The following B3GALT1 variants were observed in gnomAD, a reference collection of about 807,000 sequenced individuals.
B3GALT1 encodes UDP-Gal:betaGlcNAc beta 1,3-galactosyltransferase, polypeptide 1.
Under a neutral mutation model 23.2 loss-of-function variants are expected in B3GALT1, and 10 were observed. That is an observed-to-expected ratio of 0.43 (90% CI 0.27 to 0.73). The LOEUF is 0.73. Ranked by LOEUF, B3GALT1 falls within the 30% of genes least tolerant of loss-of-function variation. B3GALT1 has a pLI of 0.21. For missense variants in B3GALT1, 299 were observed against 405.4 expected (o/e 0.74, Z 2.25); for synonymous variants, 156 against 141.5 (o/e 1.10, Z -0.73).
intron 4 of B3GALT1, among the ~76,000 whole-genome samples, chr2:167,855,712 A>G (rs1689987841): frequency 1.3e-5 from 2 of 152,104 alleles, no homozygotes; most frequent in African/African-American, 4.8e-5. Context: ...GTATGGTTTC[A>G]TGTGTTTAAA....
chr2:167,512,607 T>TATATAC (rs1558887854), intron 2 of B3GALT1, among the ~76,000 whole-genome samples: 1 of 80,270 alleles, frequency 1.2e-5, no homozygotes, highest in African/African-American at 6.2e-5. Flanking sequence ...TATATATATA[T>TATATAC]GTATATATAT....
chr2:167,470,810 T>C (rs998271842), intron 1 of B3GALT1, among the ~76,000 whole-genome samples: 1 of 152,222 alleles, frequency 6.6e-6, no homozygotes, highest in African/African-American at 2.4e-5. Context: ...TTTAAAGAAC[T>C]GTGCAAAGCA....
At chr2:167,832,128 T>A (rs1318866035) in intron 4 of B3GALT1, among the ~76,000 whole-genome samples, 1 of 152,204 alleles carries the variant, frequency 6.6e-6, no homozygotes, top group Non-Finnish European at 1.5e-5. Flanking sequence ...CTGACACTAG[T>A]TTGAATCCTG....
rs140550636 is a variant in B3GALT1, at chr2:167,610,355, T to C, written c.-409-36554T>C. 1.2e-3 allele frequency among the ~76,000 whole-genome samples: 189 copies of C among 152,250 alleles called. 5 individuals carry two copies. The South Asian group carries it at 0.025, about 20-fold the overall frequency. ...ATAGGTTGTAATAAGCCTTCTCTTA[T>C]GCACATTGGAAAACATGTTCCTTGT... On this transcript the variant is annotated intron_variant, in intron 2 of 4. Transcript: ENST00000392690.
intron 2 of B3GALT1, among the ~76,000 whole-genome samples, chr2:167,602,505 A>G (rs1684894741): frequency 6.6e-6 from 1 of 152,204 alleles, no homozygotes; most frequent in Non-Finnish European, 1.5e-5. Context: ...AATTTATGGT[A>G]CAGGCCTTGA....
chr2:167,301,523 C>T (rs958053297), intron 1 of B3GALT1, among the ~76,000 whole-genome samples: 1 of 152,088 alleles, frequency 6.6e-6, no homozygotes, highest in Admixed American at 6.6e-5. Context: ...ACCAGTCCTA[C>T]CAAGACCACA....
chr2:167,447,544 C>T (rs1185258490), intron 1 of B3GALT1, among the ~76,000 whole-genome samples: 1 of 152,150 alleles, frequency 6.6e-6, no homozygotes, highest in African/African-American at 2.4e-5. Flanking sequence ...TGTTTACCTA[C>T]TCAAGCCTCA....
At chr2:167,302,293 A>G (rs931156868) in intron 1 of B3GALT1, among the ~76,000 whole-genome samples, 1 of 152,164 alleles carries the variant, frequency 6.6e-6, no homozygotes, top group African/African-American at 2.4e-5. Flanking sequence ...AGTATATGAA[A>G]ATGTTTTTGC....
chr2:167,870,712 CTTTTT>C lies in B3GALT1; in HGVS notation c.*697_*701del, dbSNP rs574966725. 1 of 158,178 alleles carries C rather than the reference CTTTTT, an allele frequency of 6.3e-6. No homozygotes were observed. Among genetic ancestry groups the C allele is most frequent in the Non-Finnish European group, 1.5e-5 (1 of 64,838 alleles). 9.8% of individuals were successfully genotyped at this position (158,178 alleles called of 1,614,324 possible). A position where few individuals can be genotyped will look rare whatever the true frequency, so the allele number is the denominator to read the frequency against. ...AAAGTAAACAAAAGATTTTTTTTTT[CTTTTT>C]TTTTCTTTCTTTTTTGTTTTGCTCT... On this transcript the variant is annotated 3_prime_UTR_variant, in exon 5 of 5. Coordinates refer to ENST00000392690, the MANE Select transcript of B3GALT1 (RefSeq NM_020981.4).
intron 3 of B3GALT1, among the ~76,000 whole-genome samples, chr2:167,650,164 T>G (rs1685836002): frequency 6.6e-6 from 1 of 151,440 alleles, no homozygotes; most frequent in South Asian, 2.1e-4. Flanking sequence ...CTGCAGCAAT[T>G]AAGAAGACCA....
chr2:167,833,932 A>G (rs1434586261), intron 4 of B3GALT1, among the ~76,000 whole-genome samples: 4 of 152,182 alleles, frequency 2.6e-5, no homozygotes, highest in Admixed American at 6.5e-5. Context: ...ACTACTTCCA[A>G]CGCTGAAATT....
At chr2:167,847,961 C>T (rs961187970) in intron 4 of B3GALT1, among the ~76,000 whole-genome samples, 18 of 152,102 alleles carry the variant, frequency 1.2e-4, no homozygotes, top group African/African-American at 4.3e-4. Flanking sequence ...ACTATGAACA[C>T]CTTTGCATAC....
At chr2:167,393,324 A>G (rs2105284198) in intron 1 of B3GALT1, among the ~76,000 whole-genome samples, 2 of 150,978 alleles carry the variant, frequency 1.3e-5, no homozygotes, top group East Asian at 3.9e-4. Flanking sequence ...AGTGGAAACT[A>G]TCTTAAGCAC....
intron 2 of B3GALT1, among the ~76,000 whole-genome samples, chr2:167,562,145 G>C (rs1372482331): frequency 6.6e-6 from 1 of 152,156 alleles, no homozygotes; most frequent in African/African-American, 2.4e-5. Flanking sequence ...TGCAAGGCTG[G>C]TTCAATATAT....
At chr2:167,685,772 C>A (rs897445023) in intron 3 of B3GALT1, among the ~76,000 whole-genome samples, 1 of 152,168 alleles carries the variant, frequency 6.6e-6, no homozygotes, top group South Asian at 2.1e-4. Flanking sequence ...AGTGTAGCCA[C>A]GTGCTCAATG....
rs376153492 is a variant in B3GALT1, at chr2:167,804,306, G to C, written c.-351-14366G>C. ...TGCCCAGCCTCAAAATTTCTTTTTTGTTTTGTTTTGTTTTTTTCTTTTTTT... is the reference window on the plus strand; with the variant it reads ...TGCCCAGCCTCAAAATTTCTTTTTTCTTTTGTTTTGTTTTTTTCTTTTTTT... On this transcript the variant is annotated intron_variant, in intron 3 of 4. Transcript: ENST00000392690. Among the ~76,000 whole-genome samples the C allele has an allele frequency of 4.2e-5, 6 of 143,500 alleles. No homozygotes were observed. In the East Asian group the frequency reaches 1.0e-3, roughly 24 times the overall value. 94.1% of individuals were successfully genotyped at this position (143,500 alleles called of 152,430 possible). A position where few individuals can be genotyped will look rare whatever the true frequency, so the allele number is the denominator to read the frequency against.
At chr2:167,714,868 T>C in intron 3 of B3GALT1, 1 of 1,608,772 alleles carries the variant, frequency 6.2e-7, no homozygotes, top group Non-Finnish European at 8.5e-7. Flanking sequence ...CTATTGTCAA[T>C]TTCCTGTGGA....
intron 3 of B3GALT1, among the ~76,000 whole-genome samples, chr2:167,654,028 T>C (rs1574192453): frequency 1.3e-5 from 2 of 152,300 alleles, no homozygotes; most frequent in Non-Finnish European, 2.9e-5. Context: ...GCTACCTGAA[T>C]GGACCATCCT....
At chr2:167,501,093 T>C (rs1574106096) in intron 2 of B3GALT1, among the ~76,000 whole-genome samples, 3 of 152,106 alleles carry the variant, frequency 2.0e-5, no homozygotes, top group African/African-American at 7.2e-5. Flanking sequence ...TTTAATAAAT[T>C]AAAATACAGC....
Sources: allele counts gnomAD v4.1 joint callset (sites outside exome capture counted in the v4.1 genomes callset), GRCh38; gene constraint gnomAD v4.1.1; transcripts MANE v1.5; gene names NCBI Gene and HGNC (gene_info 2026-07-23, HGNC 2026-07-21).